Variants in SYT11 observed in about 807,000 individuals in gnomAD.
SYT11 encodes synaptotagmin 11, also known as synaptotagmin-11.
A neutral mutation model predicts 30.4 loss-of-function variants in SYT11; 12 were observed. That is an observed-to-expected ratio of 0.39 (90% CI 0.25 to 0.64). SYT11 has a LOEUF of 0.64. SYT11 is among the 30% of genes least tolerant of loss of function. The pLI is 0.45. For missense variants in SYT11, 412 were observed against 552.0 expected (o/e 0.75, Z 2.54); for synonymous variants, 204 against 216.0 (o/e 0.94, Z 0.49).
chr1:155,859,974 AG>A (rs1462101268), intron 1 of SYT11, among the ~76,000 whole-genome samples, 179 bp downstream of exon 1: 13 of 152,232 alleles, frequency 8.5e-5, no homozygotes, highest in African/African-American at 3.1e-4. Context: ...CATGAACTTG[AG>A]CTATGGGCTG....
intron 2 of SYT11, among the ~76,000 whole-genome samples, chr1:155,877,101 G>A (rs1019503512): frequency 2.0e-5 from 3 of 151,754 alleles, no homozygotes; most frequent in Admixed American, 6.6e-5. Context: ...CTAAGTAGCT[G>A]GGACTACAGG....
chr1:155,879,182 C>T (rs1422336403), intron 2 of SYT11, among the ~76,000 whole-genome samples: 1 of 151,940 alleles, frequency 6.6e-6, no homozygotes, highest in Non-Finnish European at 1.5e-5. Flanking sequence ...TTTGGGAGGC[C>T]GAGGTAGACA....
chr1:155,877,391 A>G (rs1395311988), intron 2 of SYT11, among the ~76,000 whole-genome samples: 1 of 151,780 alleles, frequency 6.6e-6, no homozygotes, highest in Non-Finnish European at 1.5e-5. Flanking sequence ...GTCGTGAGCC[A>G]CTGCGCCCAG....
rs929343111 is a variant in SYT11, at chr1:155,881,237, G to A, written c.1025G>A (p.Arg342His). 6.2e-6 allele frequency: 10 copies of A among 1,614,132 alleles called. No homozygotes were observed. Among genetic ancestry groups the A allele is most frequent in the East Asian group, 2.2e-5 (1 of 44,892 alleles). The change falls in exon 4 of 4, where the codon CGC becomes CAC. Residue 342 changes from arginine to histidine, a missense_variant. Transcript: ENST00000368324. The stretch of plus-strand genomic sequence containing the variant: ...GTGAACGTCTACTACGGCAGAAAGC[G>A]CATTGCCAAGAAGAAAACCCATGTG... ...VKVNVYYGRK[R>H]IAKKKTHVKK... is the part of the protein sequence containing the mutation.
intron 1 of SYT11, among the ~76,000 whole-genome samples, chr1:155,867,175 A>T (rs1672696093): frequency 6.6e-6 from 1 of 151,842 alleles, no homozygotes; most frequent in Admixed American, 6.6e-5. Context: ...CTCCTGCATC[A>T]GCCTCCCAAG....
In SYT11 at chr1:155,881,283, C is replaced by T; in HGVS notation, c.1071C>T (p.Pro357=). ...KTHVKKCTLN[P]IFNESFIYDI... ...ATGTGAAGAAGTGCACTTTGAACCC[C>T]ATCTTCAATGAATCTTTCATCTACG... is the stretch of plus-strand genomic sequence containing the variant. Residue 357 remains proline (P), a synonymous_variant, in exon 4 of 4, where the codon CCC becomes CCT. Transcript: ENST00000368324. 2.5e-6 allele frequency: 4 copies of T among 1,614,152 alleles called. No individual in the cohort carries two copies. The highest frequency in any genetic ancestry group is 3.4e-6 in the Non-Finnish European group (4 of 1,180,030).
intron 2 of SYT11, among the ~76,000 whole-genome samples, chr1:155,878,587 C>T (rs987281326): frequency 5.9e-5 from 9 of 152,152 alleles, no homozygotes; most frequent in Non-Finnish European, 8.8e-5. Flanking sequence ...TCTCCATGGC[C>T]GGGCGCGGTG....
chr1:155,863,719 G>A (rs1672627249), intron 1 of SYT11, among the ~76,000 whole-genome samples: 4 of 152,018 alleles, frequency 2.6e-5, no homozygotes, highest in Admixed American at 2.6e-4. Flanking sequence ...TCAGGAGTTC[G>A]AGACCAGCGT....
At chr1:155,872,590 C>A (rs1239270303) in intron 2 of SYT11, among the ~76,000 whole-genome samples, 1 of 152,188 alleles carries the variant, frequency 6.6e-6, no homozygotes, top group Non-Finnish European at 1.5e-5. Flanking sequence ...AATCCTTTCT[C>A]CCCCTTGTCC....
intron 1 of SYT11, among the ~76,000 whole-genome samples, chr1:155,861,474 G>C (rs1672590008): frequency 6.6e-6 from 1 of 152,170 alleles, no homozygotes; most frequent in Non-Finnish European, 1.5e-5. Flanking sequence ...ATATCAGCCT[G>C]TTACATACTA....
chr1:155,875,627 TC>T (rs1316833034), intron 2 of SYT11, among the ~76,000 whole-genome samples: 1 of 152,144 alleles, frequency 6.6e-6, no homozygotes, highest in Non-Finnish European at 1.5e-5. Flanking sequence ...GGTTTTGAAC[TC>T]CTGACCTCAA....
At chr1:155,866,380 G>C (rs1283029442) in intron 1 of SYT11, among the ~76,000 whole-genome samples, 2 of 152,108 alleles carry the variant, frequency 1.3e-5, no homozygotes, top group Middle Eastern at 6.3e-3. Flanking sequence ...GCCTCCCAAA[G>C]TGCTGGGATA....
At chr1:155,879,155 G>A (rs536024072) in intron 2 of SYT11, among the ~76,000 whole-genome samples, 3 of 152,090 alleles carry the variant, frequency 2.0e-5, no homozygotes, top group South Asian at 2.1e-4. Flanking sequence ...GGTGGCTCAC[G>A]CTTGTAATCC....
intron 1 of SYT11, among the ~76,000 whole-genome samples, chr1:155,867,506 C>T (rs1672700039): frequency 6.6e-6 from 1 of 152,204 alleles, no homozygotes; most frequent in Admixed American, 6.6e-5. Flanking sequence ...CCCTTCCACC[C>T]TAGCCTGACA....
In SYT11 at chr1:155,880,687, C is replaced by T. The variant is rs1404081221; in HGVS notation, c.985+64C>T. On this transcript the variant is annotated intron_variant, in intron 3 of 3. Coordinates refer to ENST00000368324, the MANE Select transcript of SYT11 (RefSeq NM_152280.5). ...CATCCCCGACTCCTTGCCTGTGGCCCAGATAGACCTCCACACTTCAAGATC... is the reference window on the plus strand; with the variant it reads ...CATCCCCGACTCCTTGCCTGTGGCCTAGATAGACCTCCACACTTCAAGATC... The T allele has an allele frequency of 1.9e-6, 3 of 1,589,044 alleles. No homozygotes were observed. The African/African-American group carries it at 4.0e-5, about 21-fold the overall frequency.
In SYT11 at chr1:155,884,414, G is replaced by A. The variant is rs981897279; in HGVS notation, c.*2906G>A. On this transcript the variant is annotated 3_prime_UTR_variant, in exon 4 of 4. Coordinates refer to ENST00000368324, the MANE Select transcript of SYT11 (RefSeq NM_152280.5). ...GCCTAGGAACTGCCTCAGTGTCTTTGCCAGAAAAAGGCAAAGAGGCGGACA... is the reference window on the plus strand; with the variant it reads ...GCCTAGGAACTGCCTCAGTGTCTTTACCAGAAAAAGGCAAAGAGGCGGACA... 2 of 152,808 alleles carry A rather than the reference G, an allele frequency of 1.3e-5. No homozygotes were observed. Among genetic ancestry groups the A allele is most frequent in the African/African-American group, 4.8e-5 (2 of 41,434 alleles). 9.5% of individuals were successfully genotyped at this position (152,808 alleles called of 1,614,324 possible). A position where few individuals can be genotyped will look rare whatever the true frequency, so the allele number is the denominator to read the frequency against.
chr1:155,868,231 G>T lies in SYT11; in HGVS notation c.301G>T (p.Ala101Ser). The change falls in exon 2 of 4, where the codon GCT becomes TCT. Residue 101 changes from alanine (A) to serine (S), a missense_variant. Ala to Ser is a moderately conservative substitution (Grantham distance 99). Coordinates refer to ENST00000368324, the MANE Select transcript of SYT11 (RefSeq NM_152280.5). This position sits in a 1 kb window ranked among gnomAD's most constrained non-coding sequence, Gnocchi z 4.7. ...GAACCTGTTGGTGGACGCAGCAGAG[G>T]CTGGCCTGCTAAGCCGAGACAAAGA... ...RRNLLVDAAE[A>S]GLLSRDKDPR... 6.2e-7 allele frequency: 1 copy of T among 1,614,148 alleles called. No homozygotes were observed. Among genetic ancestry groups the T allele is most frequent in the Non-Finnish European group, 8.5e-7 (1 of 1,180,028 alleles).
chr1:155,880,569 G>A lies in SYT11; in HGVS notation c.931G>A (p.Val311Met), dbSNP rs746104700. 1 of 1,614,078 alleles carries A rather than the reference G, an allele frequency of 6.2e-7. No homozygotes were observed. The highest frequency in any genetic ancestry group is 1.1e-5 in the South Asian group (1 of 91,080). ...YQPVAQRMTV[V>M]VLKARHLPKM... The stretch of plus-strand genomic sequence containing the variant: ...GCCTGTGGCACAGAGAATGACAGTG[G>A]TGGTCCTCAAAGCCAGACACTTGCC... The change falls in exon 3 of 4, where the codon GTG (valine) becomes ATG (methionine). Residue 311 changes from valine to methionine, a missense_variant. Coordinates refer to ENST00000368324, the MANE Select transcript of SYT11 (RefSeq NM_152280.5).
Position 155,859,767 on chromosome 1 carries a change from T to G in SYT11, c.6T>G (p.Ala2=), listed in dbSNP as rs1290827944. 6.2e-7 allele frequency: 1 copy of G among 1,614,078 alleles called. No homozygotes were observed. Residue 2 remains alanine, a synonymous_variant, in exon 1 of 4, where the codon GCT becomes GCG. Coordinates refer to ENST00000368324, the MANE Select transcript of SYT11 (RefSeq NM_152280.5). ...CAACAGCCTCTGATTACGACATGGCTGAGATCACCAATATCCGACCTAGCT... is the reference window on the plus strand; with the variant it reads ...CAACAGCCTCTGATTACGACATGGCGGAGATCACCAATATCCGACCTAGCT... The part of the protein sequence containing the change: M[A]EITNIRPSFD...
Sources: allele counts gnomAD v4.1 joint callset (sites outside exome capture counted in the v4.1 genomes callset), GRCh38; gene constraint gnomAD v4.1.1; non-coding constraint Gnocchi (gnomAD v3.1); transcripts MANE v1.5; gene names NCBI Gene and HGNC (gene_info 2026-07-23, HGNC 2026-07-21).